FOXK2: variants seen among roughly 807,000 people sequenced by gnomAD.
FOXK2 encodes forkhead box protein K2.
FOXK2 carries 24 observed loss-of-function variants against 53.3 expected under a neutral mutation model. The observed-to-expected ratio is 0.45, with a 90% confidence interval of 0.33 to 0.63. The LOEUF is 0.63. FOXK2 is among the 30% of genes least tolerant of loss of function. The pLI, the probability that FOXK2 is intolerant of heterozygous loss-of-function variation, is 0.03. For synonymous variants in FOXK2, 505 were observed against 407.1 expected (o/e 1.24, Z -2.89); for missense variants, 952 against 910.5 (o/e 1.05, Z -0.59).
At chr17:82,562,783 G>C (rs896915454) in intron 1 of FOXK2, among the ~76,000 whole-genome samples, 1 of 151,526 alleles carries the variant, frequency 6.6e-6, no homozygotes, top group African/African-American at 2.4e-5. Flanking sequence ...AAACTAAGTA[G>C]TATTTGAGTC....
At chr17:82,590,622 A>C (rs1259326478) in intron 8 of FOXK2, among the ~76,000 whole-genome samples, 1 of 152,216 alleles carries the variant, frequency 6.6e-6, no homozygotes, top group African/African-American at 2.4e-5. Context: ...GGTGTAACTC[A>C]GAGACATTGC....
Position 82,582,934 on chromosome 17 carries a change from G to GGA in FOXK2, c.1103+1_1103+2insAG, listed in dbSNP as rs755518922. ...ACCCCTCTGGGACCGCTCTCTTCTA[G>GGA]GTAAGGAAAAAGAAGAACAAAAGGC... On this transcript the variant is annotated frameshift_variant and splice_region_variant. Transcript: ENST00000335255. LOFTEE classifies it high-confidence loss of function. 6.5e-7 allele frequency: 1 copy of GGA among 1,546,436 alleles called. No individual in the cohort carries two copies. The highest frequency in any genetic ancestry group is 2.3e-5 in the East Asian group (1 of 42,864).
chr17:82,539,686 C>T (rs538086517), intron 1 of FOXK2, among the ~76,000 whole-genome samples: 2 of 150,366 alleles, frequency 1.3e-5, no homozygotes, highest in South Asian at 2.1e-4. Flanking sequence ...GTAAATGGGC[C>T]GGGCATGGTG....
chr17:82,581,563 C>T (rs1347014849), intron 4 of FOXK2, among the ~76,000 whole-genome samples: 4 of 151,326 alleles, frequency 2.6e-5, no homozygotes, highest in African/African-American at 9.7e-5. Flanking sequence ...GCAAGCTCTG[C>T]CTCCCGGGTT....
At chr17:82,587,451 T>C (rs8068759) in intron 8 of FOXK2, 179 bp downstream of exon 8, 622,462 of 622,738 alleles carry the variant, frequency 1, 311,093 homozygotes, top group Middle Eastern at 1. Flanking sequence ...TCGGCCGTCA[T>C]GGGATTCCCG....
At position 82,541,278 on chromosome 17, in the gene FOXK2, T is replaced by G. The variant is rs570344196; in HGVS notation, c.419+20971T>G. Reference sequence around the variant, plus strand: ...ATTCTAAATAACTAATGATTTACAGTTTTTTTTTTTTTCAGTCAGAGTTGT... The same window carrying G: ...ATTCTAAATAACTAATGATTTACAGGTTTTTTTTTTTTCAGTCAGAGTTGT... On this transcript the variant is annotated intron_variant, in intron 1 of 8. Transcript: ENST00000335255. 7.9e-3 allele frequency among the ~76,000 whole-genome samples: 753 copies of G among 95,688 alleles called. 4 individuals are homozygous for G. The highest frequency in any genetic ancestry group is 0.031 in the African/African-American group (673 of 21,948). 62.8% of individuals were successfully genotyped at this position (95,688 alleles called of 152,430 possible). A position where few individuals can be genotyped will look rare whatever the true frequency, so the allele number is the denominator to read the frequency against.
At chr17:82,570,132 G>C (rs1042805976) in intron 3 of FOXK2, among the ~76,000 whole-genome samples, 3 of 152,072 alleles carry the variant, frequency 2.0e-5, no homozygotes, top group African/African-American at 4.8e-5. Context: ...TGAGGCAGGA[G>C]AATGGCGTGA....
chr17:82,597,339 G>A (rs1036851759), intron 8 of FOXK2, among the ~76,000 whole-genome samples: 1 of 152,206 alleles, frequency 6.6e-6, no homozygotes, highest in African/African-American at 2.4e-5. Context: ...ACTCGTGTGT[G>A]TGTTCCTTCT....
intron 1 of FOXK2, 141 bp from the exon 2 acceptor site, chr17:82,563,213 C>T: frequency 1.3e-6 from 1 of 766,916 alleles, no homozygotes; most frequent in South Asian, 2.2e-5. Flanking sequence ...TGTTTGGCGA[C>T]TTATAATAAC....
intron 4 of FOXK2, among the ~76,000 whole-genome samples, chr17:82,573,076 C>G (rs1207413163): frequency 1.3e-5 from 2 of 151,980 alleles, no homozygotes; most frequent in Admixed American, 1.3e-4. Context: ...GCTTGTAGTC[C>G]CAGCTACTCC....
intron 4 of FOXK2, 197 bp downstream of exon 4, chr17:82,572,067 C>T (rs888911476): frequency 2.6e-5 from 12 of 469,748 alleles, no homozygotes; most frequent in Admixed American, 1.3e-4. Context: ...CAGAAGGAAG[C>T]GTGGTTCTGG....
chr17:82,596,455 G>A (rs770397451), intron 8 of FOXK2, among the ~76,000 whole-genome samples: 3 of 152,208 alleles, frequency 2.0e-5, no homozygotes, highest in African/African-American at 4.8e-5. Flanking sequence ...CAGAGGTGGC[G>A]TCAGGACGTG....
At chr17:82,588,897 A>C (rs1344936930) in intron 8 of FOXK2, among the ~76,000 whole-genome samples, 1 of 151,244 alleles carries the variant, frequency 6.6e-6, no homozygotes, top group East Asian at 1.9e-4. Flanking sequence ...AAAAAAAAAA[A>C]AAAAAAAACA....
intron 1 of FOXK2, among the ~76,000 whole-genome samples, chr17:82,525,062 G>A (rs988595060): frequency 6.0e-5 from 9 of 150,050 alleles, no homozygotes; most frequent in Admixed American, 1.3e-4. Context: ...TGCAACCTCC[G>A]CCTCCCGGGT....
Position 82,565,722 on chromosome 17 carries a change from G to A in FOXK2, c.614+2174G>A, listed in dbSNP as rs143364009. On this transcript the variant is annotated intron_variant, in intron 2 of 8. Coordinates refer to ENST00000335255, the MANE Select transcript of FOXK2 (RefSeq NM_004514.4). ...GTGCTGTTGCAAGGAATGCCAAACC[G>A]TGCAGCTGCTGTGGAAACAGACTAG... 5.2e-4 allele frequency among the ~76,000 whole-genome samples: 79 copies of A among 152,298 alleles called. 1 individual carries two copies. The highest frequency in any genetic ancestry group is 2.1e-3 in the East Asian group (11 of 5,192).
intron 1 of FOXK2, among the ~76,000 whole-genome samples, chr17:82,544,012 G>A (rs539067990): frequency 3.0e-4 from 45 of 152,112 alleles, no homozygotes; most frequent in Admixed American, 1.0e-3. Context: ...TCCTGACCTC[G>A]TGATCCGCCC....
intron 8 of FOXK2, among the ~76,000 whole-genome samples, chr17:82,590,564 G>T (rs370983033): frequency 6.6e-6 from 1 of 152,038 alleles, no homozygotes; most frequent in Non-Finnish European, 1.5e-5. Flanking sequence ...TGTGAAATTT[G>T]TAGTTCTTTA....
chr17:82,528,103 A>G (rs947509341), intron 1 of FOXK2, among the ~76,000 whole-genome samples: 6 of 152,106 alleles, frequency 3.9e-5, no homozygotes, highest in Non-Finnish European at 5.9e-5. Flanking sequence ...TGGCCTATAC[A>G]TGTTTTCAAG....
chr17:82,529,056 A>G (rs889483574), intron 1 of FOXK2, among the ~76,000 whole-genome samples: 4 of 152,134 alleles, frequency 2.6e-5, no homozygotes, highest in African/African-American at 9.7e-5. Flanking sequence ...AGGAGGGGAG[A>G]GCCGCCTGTT....
Sources: allele counts gnomAD v4.1 joint callset (sites outside exome capture counted in the v4.1 genomes callset), GRCh38; gene constraint gnomAD v4.1.1; transcripts MANE v1.5; gene names NCBI Gene and HGNC (gene_info 2026-07-23, HGNC 2026-07-21).